APBA1: variants seen among roughly 807,000 people sequenced by gnomAD.
The protein encoded by APBA1 is amyloid-beta A4 precursor protein-binding family A member 1.
Under a neutral mutation model 86.6 loss-of-function variants are expected in APBA1, and 55 were observed. The observed-to-expected ratio is 0.64, with a 90% confidence interval of 0.51 to 0.80. APBA1 has a LOEUF of 0.80. APBA1 is among the 30% of genes least tolerant of loss of function. The pLI is 0.00. For synonymous variants in APBA1, 511 were observed against 493.9 expected (o/e 1.03, Z -0.46); for missense variants, 1,090 against 1,183.0 (o/e 0.92, Z 1.15).
At chr9:69,533,041 T>C (rs2133908812) in intron 1 of APBA1, among the ~76,000 whole-genome samples, 1 of 152,192 alleles carries the variant, frequency 6.6e-6, no homozygotes. Context: ...ATTGGTAAAA[T>C]AAATTATGTT....
At chr9:69,582,218 G>C (rs532357168) in intron 1 of APBA1, among the ~76,000 whole-genome samples, 1 of 152,280 alleles carries the variant, frequency 6.6e-6, no homozygotes, top group South Asian at 2.1e-4. Flanking sequence ...ATCAAAGTGA[G>C]TCATAATTTG....
At chr9:69,490,606 G>T (rs1425119405) in intron 2 of APBA1, among the ~76,000 whole-genome samples, 1 of 151,922 alleles carries the variant, frequency 6.6e-6, no homozygotes, top group Non-Finnish European at 1.5e-5. Context: ...TGACAAATGG[G>T]ATCTAATTAA....
At chr9:69,648,977 C>T (rs1000584274) in intron 1 of APBA1, among the ~76,000 whole-genome samples, 8 of 152,314 alleles carry the variant, frequency 5.3e-5, no homozygotes, top group Non-Finnish European at 1.0e-4. Context: ...AACTCCATCC[C>T]TCCAGAAGCA....
intron 1 of APBA1, among the ~76,000 whole-genome samples, chr9:69,580,377 T>G (rs1821891051): frequency 6.6e-6 from 1 of 152,146 alleles, no homozygotes; most frequent in African/African-American, 2.4e-5. Context: ...GCAACCTTCA[T>G]ATTGAGCAGA....
chr9:69,471,958 A>ACAAT (rs1835373170), intron 3 of APBA1, among the ~76,000 whole-genome samples: 1 of 152,242 alleles, frequency 6.6e-6, no homozygotes, highest in Non-Finnish European at 1.5e-5. Flanking sequence ...CAACTAAAAA[A>ACAAT]CAATCCCACA....
At chr9:69,583,050 G>A (rs1821945962) in intron 1 of APBA1, among the ~76,000 whole-genome samples, 1 of 152,202 alleles carries the variant, frequency 6.6e-6, no homozygotes, top group Admixed American at 6.5e-5. Flanking sequence ...GGCCAACCCA[G>A]AGATCTGTTC....
chr9:69,610,480 C>A (rs569514710), intron 1 of APBA1, among the ~76,000 whole-genome samples: 2 of 152,030 alleles, frequency 1.3e-5, no homozygotes, highest in African/African-American at 4.8e-5. Context: ...GTTCTGTATG[C>A]CTAGTTTAAT....
intron 1 of APBA1, among the ~76,000 whole-genome samples, chr9:69,538,844 C>G (rs1368901283): frequency 6.6e-6 from 1 of 152,206 alleles, no homozygotes; most frequent in Non-Finnish European, 1.5e-5. Flanking sequence ...CCCTTCTGTT[C>G]TGTCTTAAGC....
intron 3 of APBA1, among the ~76,000 whole-genome samples, chr9:69,475,627 C>T (rs1252158733): frequency 6.6e-6 from 1 of 152,198 alleles, no homozygotes; most frequent in African/African-American, 2.4e-5. Flanking sequence ...GAAACTAACA[C>T]ATTTCCCAAA....
At chr9:69,536,033 C>T (rs1836502808) in intron 1 of APBA1, among the ~76,000 whole-genome samples, 1 of 106,358 alleles carries the variant, frequency 9.4e-6, no homozygotes, top group Admixed American at 1.2e-4. Context: ...AGGTAGATGG[C>T]GTGCAGTTTT....
At chr9:69,606,148 C>T (rs1822466923) in intron 1 of APBA1, among the ~76,000 whole-genome samples, 2 of 152,250 alleles carry the variant, frequency 1.3e-5, no homozygotes, top group Admixed American at 6.5e-5. Flanking sequence ...TACTGTTCTT[C>T]CTCAAGAATA....
chr9:69,624,134 T>C (rs1426053307), intron 1 of APBA1, among the ~76,000 whole-genome samples: 1 of 152,186 alleles, frequency 6.6e-6, no homozygotes, highest in Non-Finnish European at 1.5e-5. Context: ...ACTGTGCAGT[T>C]TGGGACAGCT....
At chr9:69,512,194 A>T (rs1427912624) in intron 2 of APBA1, among the ~76,000 whole-genome samples, 1 of 152,214 alleles carries the variant, frequency 6.6e-6, no homozygotes, top group African/African-American at 2.4e-5. Flanking sequence ...TATTTAGAAA[A>T]GTGAAACTCC....
At chr9:69,500,813 A>T (rs1835870096) in intron 2 of APBA1, among the ~76,000 whole-genome samples, 1 of 152,114 alleles carries the variant, frequency 6.6e-6, no homozygotes, top group African/African-American at 2.4e-5. Flanking sequence ...TCTAATCGGA[A>T]TGTGACCTGG....
chr9:69,584,220 C>CGTGT (rs145506611), intron 1 of APBA1, among the ~76,000 whole-genome samples: 1 of 151,262 alleles, frequency 6.6e-6, no homozygotes. Flanking sequence ...TGTACATCTC[C>CGTGT]GTGTGTGTGT....
rs763311490 is a variant in APBA1 at position 69,516,500 on chromosome 9, A to G, written c.711T>C (p.His237=). 17 of 1,598,334 alleles carry G rather than the reference A, an allele frequency of 1.1e-5. No homozygotes were observed. The highest frequency in any genetic ancestry group is 6.7e-5 in the Admixed American group (4 of 59,656). The change falls in exon 2 of 13, where the codon CAT becomes CAC. Residue 237 remains histidine, a synonymous_variant. Transcript: ENST00000265381. This position sits in a 1 kb window ranked among gnomAD's most constrained non-coding sequence, Gnocchi z 7.3. ...ACTCGCCGTCGGAGCGCTCGTCGTA[A>G]TGGTGCAGCCGCGCGCCCAGGGCCT... ...RQEALGARLH[H]YDERSDGESD...
chr9:69,670,147 C>T (rs1034969856), intron 1 of APBA1, among the ~76,000 whole-genome samples: 1 of 152,004 alleles, frequency 6.6e-6, no homozygotes, highest in Non-Finnish European at 1.5e-5. Context: ...TCTTAGAAGG[C>T]TTGACTTGAA....
intron 2 of APBA1, among the ~76,000 whole-genome samples, chr9:69,481,794 C>G (rs1375167320): frequency 6.6e-6 from 1 of 151,608 alleles, no homozygotes; most frequent in Non-Finnish European, 1.5e-5. Context: ...TGGAACAGAA[C>G]AGAGCCCTCA....
At position 69,517,115 on chromosome 9, in the gene APBA1, G is replaced by A. The variant is rs1371100655; in HGVS notation, c.96C>T (p.Pro32=). The change falls in exon 2 of 13, where the codon CCC becomes CCT. Residue 32 remains proline (P), a synonymous_variant. Coordinates refer to ENST00000265381, the MANE Select transcript of APBA1 (RefSeq NM_001163.4). The stretch of plus-strand genomic sequence containing the variant: ...GCTGCTGCTGTTCCTCTTCCACCTC[G>A]GGGTGCTCCAGGTCGGCCTCCACCG... ...NESVEADLEH[P]EVEEEQQQPP... is the part of the protein sequence containing the mutation. 2.5e-6 allele frequency: 4 copies of A among 1,575,620 alleles called. No individual in the cohort carries two copies. The highest frequency in any genetic ancestry group is 3.4e-6 in the Non-Finnish European group (4 of 1,163,884).
Sources: allele counts gnomAD v4.1 joint callset (sites outside exome capture counted in the v4.1 genomes callset), GRCh38; gene constraint gnomAD v4.1.1; non-coding constraint Gnocchi (gnomAD v3.1); transcripts MANE v1.5; gene names NCBI Gene and HGNC (gene_info 2026-07-23, HGNC 2026-07-21).